ANGPTL2: variants seen among roughly 807,000 people sequenced by gnomAD.
ANGPTL2 encodes the protein angiopoietin-related protein 2.
A neutral mutation model predicts 52.8 loss-of-function variants in ANGPTL2; 25 were observed. The observed-to-expected ratio is 0.47, with a 90% CI of 0.35 to 0.66. ANGPTL2 has a LOEUF of 0.66. Ranked by LOEUF, ANGPTL2 falls within the 30% of genes least tolerant of loss-of-function variation. The pLI, the probability that ANGPTL2 is intolerant of heterozygous loss-of-function variation, is 0.01. For missense variants in ANGPTL2, 546 were observed against 656.9 expected, an observed-to-expected ratio of 0.83 and a Z score of 1.84; for synonymous variants, 276 against 277.4, an observed-to-expected ratio of 1.00 and a Z score of 0.05.
intron 2 of ANGPTL2, among the ~76,000 whole-genome samples, chr9:127,101,233 G>GT (rs2053692906): frequency 6.6e-6 from 1 of 152,216 alleles, no homozygotes. Context: ...TTTGCACACC[G>GT]TTTCATTTCA....
chr9:127,095,337 G>A (rs1383291130), intron 2 of ANGPTL2, among the ~76,000 whole-genome samples: 1 of 152,212 alleles, frequency 6.6e-6, no homozygotes, highest in African/African-American at 2.4e-5. Context: ...GGTGGAGGTT[G>A]CAGTGAGCTG....
chr9:127,112,311 C>T (rs2054905082), intron 1 of ANGPTL2, among the ~76,000 whole-genome samples: 1 of 152,194 alleles, frequency 6.6e-6, no homozygotes, highest in African/African-American at 2.4e-5. Flanking sequence ...AGTGGTCACA[C>T]CCACCCCAGA....
Position 127,108,476 on chromosome 9 carries a change from T to C in ANGPTL2, c.256A>G (p.Lys86Glu), listed in dbSNP as rs1227860077. The change falls in exon 2 of 5, where the codon AAG becomes GAG. Residue 86 changes from lysine to glutamate, a missense_variant. This residue lies in a region of ANGPTL2 where 285 missense variants were observed against 295.8 expected (regional missense o/e 0.96). Coordinates refer to ENST00000373425, the MANE Select transcript of ANGPTL2 (RefSeq NM_012098.3). Reference sequence around the variant, plus strand: ...TTGTTGAGCAGCTCTAGCTCCTGCTTATGCACTCGGTTCTCCAGAAGCACC... The same window carrying C: ...TTGTTGAGCAGCTCTAGCTCCTGCTCATGCACTCGGTTCTCCAGAAGCACC... ...PEVLLENRVHKQELELLNNEL... is the reference protein window; with the variant it reads ...PEVLLENRVHEQELELLNNEL... 4 of 1,612,128 alleles carry C rather than the reference T, an allele frequency of 2.5e-6. No individual in the cohort carries two copies. Among genetic ancestry groups the C allele is most frequent in the Non-Finnish European group, 3.4e-6 (4 of 1,179,544 alleles).
Position 127,087,601 on chromosome 9 carries a change from C to T in ANGPTL2, c.*1338G>A, listed in dbSNP as rs8838. 0.32 allele frequency: 49,137 copies of T among 152,246 alleles called. 9,801 individuals carry two copies. Among genetic ancestry groups the T allele is most frequent in the Non-Finnish European group, 0.42 (28,666 of 67,920 alleles). 9.4% of individuals were successfully genotyped at this position (152,246 alleles called of 1,614,324 possible). On this transcript the variant is annotated 3_prime_UTR_variant, in exon 5 of 5. Transcript: ENST00000373425. ...TCCCTTGCCCCTTCTTGGCAATAGT[C>T]CCGGGAGTGCTGAGGCTGACACTTG...
chr9:127,088,811 CAG>C lies in ANGPTL2; in HGVS notation c.*126_*127del. The C allele has an allele frequency of 9.0e-7, 1 of 1,112,446 alleles. No individual in the cohort carries two copies. The highest frequency in any genetic ancestry group is 2.4e-5 in the East Asian group (1 of 41,878). The allele number at this position is 1,112,446 out of a possible 1,614,324, so 68.9% of individuals were successfully genotyped here. On this transcript the variant is annotated 3_prime_UTR_variant, in exon 5 of 5. Transcript: ENST00000373425. ...CATCCGCTGCAGTGACTTCGGAAAA[CAG>C]AATCCAGCATCCCGGTCCTCCCAGC...
intron 2 of ANGPTL2, among the ~76,000 whole-genome samples, chr9:127,103,775 T>TA (rs2053959447): frequency 6.6e-6 from 1 of 152,130 alleles, no homozygotes; most frequent in African/African-American, 2.4e-5. Flanking sequence ...TACCAGGAAG[T>TA]AGAGCTAGAA....
chr9:127,102,463 G>C (rs1314718372), intron 2 of ANGPTL2, among the ~76,000 whole-genome samples: 2 of 152,102 alleles, frequency 1.3e-5, no homozygotes, highest in Non-Finnish European at 2.9e-5. Context: ...GGGTTTTCTA[G>C]ATTTCTTTCA....
intron 2 of ANGPTL2, among the ~76,000 whole-genome samples, chr9:127,095,228 C>G (rs1358212025): frequency 6.6e-6 from 1 of 152,124 alleles, no homozygotes; most frequent in Non-Finnish European, 1.5e-5. Context: ...GAAACCCTGT[C>G]TCTACTAAAA....
At chr9:127,093,231 C>G (rs1170050129) in intron 3 of ANGPTL2, among the ~76,000 whole-genome samples, 2 of 152,158 alleles carry the variant, frequency 1.3e-5, no homozygotes, top group African/African-American at 2.4e-5. Context: ...TTTCAACTCC[C>G]TGGGAACCAG....
intron 1 of ANGPTL2, 123 bp from the exon 2 acceptor site, chr9:127,108,903 T>C (rs2054528858): frequency 1.1e-5 from 8 of 699,582 alleles, no homozygotes; most frequent in Non-Finnish European, 1.8e-5. Context: ...TTCAGGATGC[T>C]GGGTTATATT....
intron 1 of ANGPTL2, among the ~76,000 whole-genome samples, chr9:127,113,478 T>TTGTA (rs1164195956): frequency 6.6e-6 from 1 of 151,766 alleles, no homozygotes; most frequent in East Asian, 1.9e-4. Context: ...ATTCAACTCA[T>TTGTA]TGTATCTCAA....
intron 1 of ANGPTL2, among the ~76,000 whole-genome samples, chr9:127,118,497 G>A (rs2055689218): frequency 6.6e-6 from 1 of 152,216 alleles, no homozygotes; most frequent in South Asian, 2.1e-4. Flanking sequence ...GTCCAGGATG[G>A]CAGCAGGCTG....
rs377418491 is a variant in ANGPTL2, at chr9:127,088,927, G to A, written c.*12C>T. ...TGGCAATGGCCACGAGAGGTCAGGA[G>A]GGGGAGCTGGCTTAGTGGAAGGTGT... is the stretch of plus-strand genomic sequence containing the variant. On this transcript the variant is annotated 3_prime_UTR_variant, in exon 5 of 5. Coordinates refer to ENST00000373425, the MANE Select transcript of ANGPTL2 (RefSeq NM_012098.3). 13 of 1,614,202 alleles carry A rather than the reference G, an allele frequency of 8.1e-6. No individual in the cohort carries two copies. The highest frequency in any genetic ancestry group is 1.1e-5 in the Non-Finnish European group (13 of 1,180,026).
At position 127,108,063 on chromosome 9, in the gene ANGPTL2, C is replaced by T; in HGVS notation, c.669G>A (p.Arg223=). 6.2e-7 allele frequency: 1 copy of T among 1,610,878 alleles called. No homozygotes were observed. The highest frequency in any genetic ancestry group is 8.5e-7 in the Non-Finnish European group (1 of 1,178,574). The change falls in exon 2 of 5, where the codon CGG becomes CGA. Residue 223 remains arginine, a synonymous_variant. Transcript: ENST00000373425. ...VPQPPPAAPP[R]VYQPPTYNRI... is the part of the protein sequence containing the mutation. ...GGTTGTAGGTGGGTGGTTGGTAGAC[C>T]CGGGGCGGGGCAGCGGGGGGTGGCT... is the stretch of plus-strand genomic sequence containing the variant.
chr9:127,106,235 A>G (rs1048214180), intron 2 of ANGPTL2, among the ~76,000 whole-genome samples: 1 of 145,150 alleles, frequency 6.9e-6, no homozygotes, highest in African/African-American at 2.4e-5. Context: ...CATTCAACTG[A>G]GCCTTTGTTT....
intron 2 of ANGPTL2, among the ~76,000 whole-genome samples, chr9:127,101,991 C>T (rs1400304961): frequency 2.0e-5 from 3 of 152,060 alleles, no homozygotes; most frequent in Admixed American, 1.3e-4. Context: ...TGAGGACCAT[C>T]AGGCTTATTT....
At chr9:127,094,737 A>G (rs1490072990) in intron 2 of ANGPTL2, among the ~76,000 whole-genome samples, 1 of 152,178 alleles carries the variant, frequency 6.6e-6, no homozygotes, top group Non-Finnish European at 1.5e-5. Context: ...GCAGGCTCAT[A>G]AACTTAAAGG....
At chr9:127,116,978 C>T (rs906363830) in intron 1 of ANGPTL2, among the ~76,000 whole-genome samples, 1 of 152,058 alleles carries the variant, frequency 6.6e-6, no homozygotes, top group Non-Finnish European at 1.5e-5. Context: ...CCTTTGGGTG[C>T]TCTCTCCCCT....
rs868368843 is a variant in ANGPTL2 at position 127,089,425 on chromosome 9, G to T, written c.1283-287C>A. Among the ~76,000 whole-genome samples the T allele has an allele frequency of 4.6e-5, 7 of 152,182 alleles. No individual in the cohort carries two copies. In the South Asian group the frequency reaches 6.2e-4, roughly 14 times the overall value. On this transcript the variant is annotated intron_variant, in intron 4 of 4. Coordinates refer to ENST00000373425, the MANE Select transcript of ANGPTL2 (RefSeq NM_012098.3). ...ATAAAAATGACGCCTGCCGCACAGG[G>T]CGGCTCTGAGGATTGAATGAGGATG...
Sources: allele counts gnomAD v4.1 joint callset (sites outside exome capture counted in the v4.1 genomes callset), GRCh38; gene constraint gnomAD v4.1.1; regional missense constraint gnomAD v4.1.1; transcripts MANE v1.5; gene names NCBI Gene and HGNC (gene_info 2026-07-23, HGNC 2026-07-21).